Variants in TBC1D19 observed in about 807,000 individuals in gnomAD.
TBC1D19 encodes TBC1 domain family member 19, also known as TBC1 domain family, member 19.
TBC1D19 carries 60 observed loss-of-function variants against 89.0 expected under a neutral mutation model. The ratio of observed to expected loss-of-function variants is 0.67; its 90% confidence interval spans 0.55 to 0.84. The LOEUF is 0.84. Among genes scored for constraint, TBC1D19 ranks in the 40% least tolerant of loss-of-function variants. TBC1D19 has a pLI of 0.00. For synonymous variants in TBC1D19, 189 were observed against 199.7 expected, an observed-to-expected ratio of 0.95 and a Z score of 0.45; for missense variants, 500 against 610.8, an observed-to-expected ratio of 0.82 and a Z score of 1.91.
Position 26,614,458 on chromosome 4 carries a change from GT to G in TBC1D19, c.218+9del. 6.3e-7 allele frequency: 1 copy of G among 1,579,806 alleles called. No individual in the cohort carries two copies. On this transcript the variant is annotated splice_donor_region_variant and intron_variant, in intron 3 of 20. Coordinates refer to ENST00000264866, the MANE Select transcript of TBC1D19 (RefSeq NM_018317.4). ...TGTTTATAGTGAACTGAGTGTGTGA[GT>G]TTTCCCACCTATTTTACAATAGTAT... is the stretch of plus-strand genomic sequence containing the variant.
chr4:26,836,535 T>C, the TBC1D19 span, among the ~76,000 whole-genome samples: 2 of 152,358 alleles, frequency 1.3e-5, no homozygotes, highest in Non-Finnish European at 2.9e-5. Context: ...TTCTATATTA[T>C]GCTCTGTAGA....
intron 7 of TBC1D19, among the ~76,000 whole-genome samples, chr4:26,657,169 G>A (rs1744909756): frequency 1.3e-5 from 2 of 151,366 alleles, no homozygotes; most frequent in African/African-American, 2.4e-5. Context: ...ATGTGCCATG[G>A]TGGTTTGCTG....
chr4:26,749,529 C>T (rs953456868), intron 19 of TBC1D19, among the ~76,000 whole-genome samples: 2 of 150,782 alleles, frequency 1.3e-5, no homozygotes, highest in Admixed American at 1.3e-4. Flanking sequence ...TCACTACAAC[C>T]TCCACCTCCT....
intron 7 of TBC1D19, among the ~76,000 whole-genome samples, chr4:26,655,854 T>C (rs1465562783): frequency 6.6e-6 from 1 of 152,212 alleles, no homozygotes; most frequent in African/African-American, 2.4e-5. Flanking sequence ...CTTCAGCTCA[T>C]GCTCAGTGCG....
At chr4:26,788,352 C>A in the TBC1D19 span, among the ~76,000 whole-genome samples, 2 of 152,182 alleles carry the variant, frequency 1.3e-5, no homozygotes, top group Non-Finnish European at 2.9e-5. Context: ...CTAGAATCCA[C>A]CTCTTCTTAA....
intron 7 of TBC1D19, among the ~76,000 whole-genome samples, chr4:26,642,025 A>G (rs187391568): frequency 5.3e-5 from 8 of 152,336 alleles, no homozygotes; most frequent in Non-Finnish European, 1.0e-4. Context: ...TATCCAGGAG[A>G]ACTTCCCTAA....
At chr4:26,619,631 G>A (rs1741911837) in intron 3 of TBC1D19, among the ~76,000 whole-genome samples, 1 of 152,138 alleles carries the variant, frequency 6.6e-6, no homozygotes, top group Non-Finnish European at 1.5e-5. Context: ...AAATATCAAG[G>A]TATCTAGAGA....
intron 5 of TBC1D19, among the ~76,000 whole-genome samples, chr4:26,637,597 C>A (rs923835564): frequency 6.6e-6 from 1 of 152,114 alleles, no homozygotes; most frequent in Non-Finnish European, 1.5e-5. Context: ...GGGTCTCGAT[C>A]TCCTGACATC....
At chr4:26,786,285 G>A in the TBC1D19 span, among the ~76,000 whole-genome samples, 1 of 152,300 alleles carries the variant, frequency 6.6e-6, no homozygotes, top group African/African-American at 2.4e-5. Flanking sequence ...AAAGTGCTGG[G>A]CTAGGCTTTG....
chr4:26,855,647 G>A, the TBC1D19 span, among the ~76,000 whole-genome samples: 1 of 152,168 alleles, frequency 6.6e-6, no homozygotes, highest in Non-Finnish European at 1.5e-5. Flanking sequence ...AGGGAGGTGG[G>A]CAGCCCTTTG....
chr4:26,678,241 A>G (rs573327241), intron 11 of TBC1D19, among the ~76,000 whole-genome samples: 5 of 152,350 alleles, frequency 3.3e-5, no homozygotes, highest in Admixed American at 3.3e-4. Flanking sequence ...GATTCTTGTT[A>G]TGCTTTAGCA....
intron 15 of TBC1D19, among the ~76,000 whole-genome samples, chr4:26,724,772 GTCT>G (rs1388261155): frequency 2.0e-5 from 3 of 152,088 alleles, no homozygotes; most frequent in Non-Finnish European, 4.4e-5. Flanking sequence ...GGAGCCTAAG[GTCT>G]TCTTGGGTAA....
At chr4:26,796,328 A>C in the TBC1D19 span, among the ~76,000 whole-genome samples, 1 of 152,080 alleles carries the variant, frequency 6.6e-6, no homozygotes, top group African/African-American at 2.4e-5. Context: ...TTCACCCAAA[A>C]CTCGTCAACA....
the TBC1D19 span, among the ~76,000 whole-genome samples, chr4:26,849,031 G>C: frequency 2.0e-5 from 3 of 151,818 alleles, no homozygotes. Context: ...AATTAGCTGG[G>C]CCATCATGTT....
chr4:26,746,087 T>G (rs1718630398), intron 18 of TBC1D19, among the ~76,000 whole-genome samples: 1 of 152,202 alleles, frequency 6.6e-6, no homozygotes, highest in African/African-American at 2.4e-5. Context: ...CCATTATTAC[T>G]TTAAATATTT....
At chr4:26,685,595 G>C (rs887750329) in intron 12 of TBC1D19, among the ~76,000 whole-genome samples, 1 of 152,178 alleles carries the variant, frequency 6.6e-6, no homozygotes, top group Non-Finnish European at 1.5e-5. Flanking sequence ...CCAAGATTTA[G>C]ACCTAGCCAA....
In TBC1D19 at chr4:26,672,201, T is replaced by G; in HGVS notation, c.703+14T>G. 7.6e-7 allele frequency: 1 copy of G among 1,322,360 alleles called. No individual in the cohort carries two copies. The allele number at this position is 1,322,360 out of a possible 1,614,324, so 81.9% of individuals were successfully genotyped here. A position where few individuals can be genotyped will look rare whatever the true frequency, so the allele number is the denominator to read the frequency against. Reference sequence around the variant, plus strand: ...TTGGGCAAAAAGGTAAGCTTTTAATTATAAATGTTATTATTTCTGAAAAGT... The same window carrying G: ...TTGGGCAAAAAGGTAAGCTTTTAATGATAAATGTTATTATTTCTGAAAAGT... On this transcript the variant is annotated intron_variant, in intron 10 of 20. Coordinates refer to ENST00000264866, the MANE Select transcript of TBC1D19 (RefSeq NM_018317.4).
chr4:26,828,287 A>G, the TBC1D19 span, among the ~76,000 whole-genome samples: 1 of 152,194 alleles, frequency 6.6e-6, no homozygotes, highest in Non-Finnish European at 1.5e-5. Context: ...ACTGCCTTAG[A>G]AGGAGGCAAC....
intron 7 of TBC1D19, among the ~76,000 whole-genome samples, chr4:26,654,434 G>A (rs557943365): frequency 2.0e-5 from 3 of 152,160 alleles, no homozygotes; most frequent in Non-Finnish European, 2.9e-5. Context: ...TTGCTAGATT[G>A]AGGAAGTTCT....
Sources: gnomAD v4.1 joint callset for allele counts (sites outside exome capture counted in the v4.1 genomes callset) on GRCh38, gnomAD v4.1.1 for gene constraint, MANE v1.5 for transcripts, NCBI Gene and HGNC (gene_info 2026-07-23, HGNC 2026-07-21) for gene names.